The following NRG3 variants were observed in gnomAD, a reference collection of about 807,000 sequenced individuals.
NRG3 encodes the protein neuregulin 3.
In NRG3, 31 loss-of-function variants were observed where a neutral mutation model predicts 66.9. The ratio of observed to expected loss-of-function variants is 0.46; its 90% CI spans 0.35 to 0.63. The LOEUF (loss-of-function observed/expected upper bound fraction) is 0.63. Among genes scored for constraint, NRG3 ranks in the 20% least tolerant of loss-of-function variants. The pLI is 0.00. For synonymous variants in NRG3, 393 were observed against 359.4 expected, an observed-to-expected ratio of 1.09 and a Z score of -1.06; for missense variants, 910 against 878.9, an observed-to-expected ratio of 1.04 and a Z score of -0.45.
chr10:82,918,012 C>CTA (rs1205235880), intron 4 of NRG3, among the ~76,000 whole-genome samples: 4 of 129,790 alleles, frequency 3.1e-5, no homozygotes, highest in African/African-American at 1.2e-4. Flanking sequence ...GTATCTCTCT[C>CTA]TATATATATA....
intron 4 of NRG3, among the ~76,000 whole-genome samples, chr10:82,907,402 G>T (rs113250076): frequency 6.6e-6 from 1 of 152,052 alleles, no homozygotes; most frequent in Non-Finnish European, 1.5e-5. Context: ...AACAGTTTGC[G>T]AATCATGGAT....
intron 2 of NRG3, among the ~76,000 whole-genome samples, chr10:82,657,784 T>C (rs935150291): frequency 1.3e-4 from 19 of 151,846 alleles, no homozygotes; most frequent in African/African-American, 3.4e-4. Flanking sequence ...TTTGATGAAA[T>C]GGACAAAGAC....
chr10:82,021,784 GTATGTGTGTGTGT>G (rs2062071772), intron 1 of NRG3, among the ~76,000 whole-genome samples: 2 of 11,332 alleles, frequency 1.8e-4, no homozygotes, highest in South Asian at 4.9e-3. Context: ...TGGGCATGTA[GTATGTGTGTGTGT>G]GTGTGTGTGT....
intron 2 of NRG3, among the ~76,000 whole-genome samples, chr10:82,425,204 C>A (rs942667532): frequency 6.6e-6 from 1 of 152,026 alleles, no homozygotes; most frequent in Non-Finnish European, 1.5e-5. Context: ...CAGTAGGGAT[C>A]ACATTGAATC....
intron 1 of NRG3, among the ~76,000 whole-genome samples, chr10:82,249,024 A>G (rs773520580): frequency 7.2e-5 from 11 of 152,180 alleles, no homozygotes; most frequent in African/African-American, 1.2e-4. Flanking sequence ...AAGACCCAGA[A>G]CAAATGCTAC....
chr10:82,709,814 T>C (rs1256970650), intron 2 of NRG3, among the ~76,000 whole-genome samples: 1 of 152,236 alleles, frequency 6.6e-6, no homozygotes, highest in Non-Finnish European at 1.5e-5. Context: ...GTTCCCATTG[T>C]CTGGGTCCAG....
chr10:82,103,400 G>A (rs2066879160), intron 1 of NRG3, among the ~76,000 whole-genome samples: 1 of 152,114 alleles, frequency 6.6e-6, no homozygotes, highest in South Asian at 2.1e-4. Context: ...GATATTGCTT[G>A]TTTTAAAAGC....
intron 2 of NRG3, among the ~76,000 whole-genome samples, chr10:82,424,837 A>G (rs2089316066): frequency 1.3e-5 from 2 of 151,764 alleles, no homozygotes; most frequent in South Asian, 2.1e-4. Flanking sequence ...TCAGGTTCCA[A>G]ATTTATTCTT....
chr10:82,363,647 C>T (rs919976372), intron 2 of NRG3, among the ~76,000 whole-genome samples: 9 of 151,560 alleles, frequency 5.9e-5, no homozygotes, highest in South Asian at 2.1e-4. Context: ...TTAGTAGAGA[C>T]GGGGTTTCAC....
At position 82,813,816 on chromosome 10, in the gene NRG3, A is replaced by T. The variant is rs2061595198; in HGVS notation, c.1028-51595A>T. Among the ~76,000 whole-genome samples, 2 of 152,194 alleles carry T rather than the reference A, an allele frequency of 1.3e-5. 1 individual carries two copies. The highest frequency in any genetic ancestry group is 4.1e-4 in the South Asian group (2 of 4,830). ...AATTTAGAGATTGTATATTGAAGCG[A>T]TCTTTCCAAACCCAATTTTAATTTT... On this transcript the variant is annotated intron_variant, in intron 3 of 8. Transcript: ENST00000372141.
At chr10:82,349,913 C>T (rs972388144) in intron 1 of NRG3, among the ~76,000 whole-genome samples, 2 of 152,176 alleles carry the variant, frequency 1.3e-5, no homozygotes, top group Non-Finnish European at 2.9e-5. Flanking sequence ...ATGCCTCGCC[C>T]TGCTTCGGCT....
chr10:82,969,033 C>T (rs200607834), intron 6 of NRG3, among the ~76,000 whole-genome samples: 6 of 152,146 alleles, frequency 3.9e-5, no homozygotes, highest in South Asian at 2.1e-4. Context: ...AGGAAACTGC[C>T]GCCATGATTC....
At chr10:82,981,688 G>A (rs959470149) in intron 8 of NRG3, among the ~76,000 whole-genome samples, 11 of 152,154 alleles carry the variant, frequency 7.2e-5, no homozygotes, top group African/African-American at 2.2e-4. Flanking sequence ...TCTTATTGTA[G>A]CCTGGGGAAG....
intron 2 of NRG3, among the ~76,000 whole-genome samples, chr10:82,545,480 G>A (rs866503785): frequency 1.3e-5 from 2 of 149,466 alleles, no homozygotes; most frequent in African/African-American, 4.9e-5. Context: ...CCGGGTTCAC[G>A]CCATTCTCCG....
intron 1 of NRG3, among the ~76,000 whole-genome samples, chr10:82,231,171 C>T (rs1488310613): frequency 5.3e-5 from 8 of 151,912 alleles, no homozygotes; most frequent in Non-Finnish European, 7.4e-5. Context: ...GGTGAAACCC[C>T]GTCTCTACTA....
chr10:82,375,303 C>G (rs1035542726), intron 2 of NRG3, among the ~76,000 whole-genome samples: 1 of 151,976 alleles, frequency 6.6e-6, no homozygotes, highest in African/African-American at 2.4e-5. Context: ...TTTGGGAGGC[C>G]GAGGCGGGCG....
intron 2 of NRG3, among the ~76,000 whole-genome samples, chr10:82,433,215 G>A (rs2089936331): frequency 6.6e-6 from 1 of 152,164 alleles, no homozygotes. Context: ...CTGATGATCA[G>A]TGATATTGAG....
Position 82,098,095 on chromosome 10 carries a change from TATGTCTCATATATAG to T in NRG3, c.823+221951_823+221965del, listed in dbSNP as rs544013994. On this transcript the variant is annotated intron_variant, in intron 1 of 8. Transcript: ENST00000372141. The stretch of plus-strand genomic sequence containing the variant: ...CACACACACACACACACATCATATA[TATGTCTCATATATAG>T]ATGTCTCATATATAGATGCCTCATG... 1.3e-3 allele frequency among the ~76,000 whole-genome samples: 192 copies of T among 151,482 alleles called. 1 individual carries two copies. The highest frequency in any genetic ancestry group is 4.3e-3 in the African/African-American group (176 of 41,310).
At chr10:82,533,622 C>CAA (rs1847519892) in intron 2 of NRG3, among the ~76,000 whole-genome samples, 1 of 152,200 alleles carries the variant, frequency 6.6e-6, no homozygotes, top group African/African-American at 2.4e-5. Context: ...GAAAAGTTTA[C>CAA]AGCTACCATT....
Sources: allele counts gnomAD v4.1 joint callset (sites outside exome capture counted in the v4.1 genomes callset), GRCh38; gene constraint gnomAD v4.1.1; transcripts MANE v1.5; gene names NCBI Gene and HGNC (gene_info 2026-07-23, HGNC 2026-07-21).